The following RBMS3 variants were observed in gnomAD, a reference collection of about 807,000 sequenced individuals.
RBMS3 encodes the protein RNA-binding motif, single-stranded-interacting protein 3.
Under a neutral mutation model 66.8 loss-of-function variants are expected in RBMS3, and 27 were observed. The observed-to-expected ratio is 0.40, with a 90% CI of 0.30 to 0.56. The LOEUF is 0.56. RBMS3 is among the 20% of genes least tolerant of loss of function. The pLI, the probability that RBMS3 is intolerant of heterozygous loss-of-function variation, is 0.40. For synonymous variants in RBMS3, 188 were observed against 183.0 expected (o/e 1.03, Z -0.22); for missense variants, 513 against 549.5 (o/e 0.93, Z 0.66).
intron 1 of RBMS3, among the ~76,000 whole-genome samples, chr3:29,430,066 G>C (rs2041120231): frequency 6.6e-6 from 1 of 151,952 alleles, no homozygotes; most frequent in South Asian, 2.1e-4. Context: ...GCATTTGTCA[G>C]GCATTCCGGG....
chr3:29,905,771 G>A (rs1483197846), intron 10 of RBMS3, among the ~76,000 whole-genome samples: 3 of 151,990 alleles, frequency 2.0e-5, no homozygotes, highest in Admixed American at 1.3e-4. Flanking sequence ...AAATAAATAA[G>A]TCTTATAATA....
chr3:29,519,668 C>T (rs2044777866), intron 3 of RBMS3, among the ~76,000 whole-genome samples: 1 of 152,060 alleles, frequency 6.6e-6, no homozygotes, highest in African/African-American at 2.4e-5. Flanking sequence ...TTTCACACTT[C>T]CTGTCAACTA....
intron 8 of RBMS3, among the ~76,000 whole-genome samples, chr3:29,885,787 T>C (rs2059855754): frequency 6.6e-6 from 1 of 151,848 alleles, no homozygotes; most frequent in Non-Finnish European, 1.5e-5. Context: ...ATCTAGAGTA[T>C]GTATTATGTA....
At chr3:29,983,508 G>T (rs1026907570) in intron 12 of RBMS3, among the ~76,000 whole-genome samples, 6 of 151,954 alleles carry the variant, frequency 3.9e-5, no homozygotes, top group African/African-American at 1.4e-4. Flanking sequence ...TTTTCATAGT[G>T]TCCATGGTCT....
At chr3:29,459,080 G>T (rs932413625) in intron 2 of RBMS3, among the ~76,000 whole-genome samples, 3 of 152,128 alleles carry the variant, frequency 2.0e-5, no homozygotes, top group African/African-American at 7.2e-5. Flanking sequence ...AGAAGCTGCT[G>T]GGATGAGTGT....
intron 3 of RBMS3, among the ~76,000 whole-genome samples, chr3:29,518,812 C>G (rs1408642687): frequency 6.6e-6 from 1 of 152,084 alleles, no homozygotes; most frequent in East Asian, 1.9e-4. Flanking sequence ...GCAAAGTATC[C>G]ACTTCCCTTA....
At chr3:29,553,764 A>G (rs192218355) in intron 3 of RBMS3, among the ~76,000 whole-genome samples, 16 of 152,054 alleles carry the variant, frequency 1.1e-4, no homozygotes, top group Admixed American at 1.0e-3. Context: ...ATTGAGAAAA[A>G]CATAAAACAA....
At chr3:29,488,527 A>G (rs775990578) in intron 3 of RBMS3, 28 bp downstream of exon 3, 2 of 1,583,002 alleles carry the variant, frequency 1.3e-6, no homozygotes, top group Non-Finnish European at 1.7e-6. Context: ...CGTACCCTGA[A>G]ATCTTGCCTA....
At chr3:29,978,009 C>T (rs1034346854) in intron 12 of RBMS3, among the ~76,000 whole-genome samples, 13 of 151,978 alleles carry the variant, frequency 8.6e-5, no homozygotes, top group African/African-American at 2.9e-4. Context: ...TATCACAGGT[C>T]GTTCTCTTAG....
At position 29,886,301 on chromosome 3, in the gene RBMS3, T is replaced by G. The variant is rs1206048232; in HGVS notation, c.791+2093T>G. On this transcript the variant is annotated intron_variant, in intron 8 of 14. Coordinates refer to ENST00000383767, the MANE Select transcript of RBMS3 (RefSeq NM_001003793.3). Reference sequence around the variant, plus strand: ...TTATATGGATTATTTCATTTATTTATTATATTCTTTTGGGTGAGTGTTAAT... The same window carrying G: ...TTATATGGATTATTTCATTTATTTAGTATATTCTTTTGGGTGAGTGTTAAT... Among the ~76,000 whole-genome samples, 9 of 151,914 alleles carry G rather than the reference T, an allele frequency of 5.9e-5. No individual in the cohort carries two copies. In the South Asian group the frequency reaches 1.9e-3, roughly 31 times the overall value.
At chr3:29,594,341 G>T (rs2047869715) in intron 4 of RBMS3, among the ~76,000 whole-genome samples, 1 of 152,084 alleles carries the variant, frequency 6.6e-6, no homozygotes, top group Non-Finnish European at 1.5e-5. Context: ...TTCAAATCGT[G>T]TTGTTCTATT....
intron 1 of RBMS3, among the ~76,000 whole-genome samples, chr3:29,301,987 A>G (rs1008022033): frequency 3.9e-5 from 6 of 152,046 alleles, no homozygotes; most frequent in East Asian, 1.9e-4. Context: ...ATCCATCTCT[A>G]TCACCAAGTA....
Position 29,518,507 on chromosome 3 carries a change from A to G in RBMS3, c.307+30008A>G, listed in dbSNP as rs193096489. 1.4e-3 allele frequency among the ~76,000 whole-genome samples: 216 copies of G among 152,346 alleles called. 1 individual carries two copies. Among genetic ancestry groups the G allele is most frequent in the South Asian group, 1.2e-3 (6 of 4,830 alleles). On this transcript the variant is annotated intron_variant, in intron 3 of 14. Coordinates refer to ENST00000383767, the MANE Select transcript of RBMS3 (RefSeq NM_001003793.3). ...ATGGCTATCTCCTGATCTATTGTAT[A>G]GTAAAAGAAGGTCATTATTAAAGGT...
intron 1 of RBMS3, among the ~76,000 whole-genome samples, chr3:29,434,408 GTTTTA>G (rs1225735502): frequency 6.6e-6 from 1 of 152,114 alleles, no homozygotes; most frequent in Non-Finnish European, 1.5e-5. Flanking sequence ...AAAAGTGACT[GTTTTA>G]TTTTATTAGG....
chr3:29,571,589 C>G (rs186132170), intron 3 of RBMS3, among the ~76,000 whole-genome samples: 27 of 152,020 alleles, frequency 1.8e-4, no homozygotes, highest in Admixed American at 6.5e-4. Flanking sequence ...ACTGTAGGTA[C>G]GTAGATTTGC....
In RBMS3 at chr3:29,291,492, T is replaced by A. The variant is rs148092082; in HGVS notation, c.75+9736T>A. Among the ~76,000 whole-genome samples the A allele has an allele frequency of 6.2e-4, 94 of 151,924 alleles. No individual in the cohort carries two copies. The East Asian group carries it at 0.018, about 28-fold the overall frequency. ...GATCTGGGTGCCAGGTTCACAGAAT[T>A]TTTTATTGCGTAATTGGTGAAATTG... On this transcript the variant is annotated intron_variant, in intron 1 of 14. Transcript: ENST00000383767.
intron 4 of RBMS3, among the ~76,000 whole-genome samples, chr3:29,634,155 A>G (rs2049384394): frequency 6.6e-6 from 1 of 151,928 alleles, no homozygotes; most frequent in Non-Finnish European, 1.5e-5. Context: ...AGGGAGAAAG[A>G]TACATTCATT....
intron 12 of RBMS3, among the ~76,000 whole-genome samples, chr3:29,982,515 C>G (rs942935535): frequency 6.6e-6 from 1 of 151,994 alleles, no homozygotes; most frequent in South Asian, 2.1e-4. Context: ...GTTAGGGTGT[C>G]GATTTTAGAT....
chr3:29,794,458 C>T (rs368503803), intron 6 of RBMS3, among the ~76,000 whole-genome samples: 7 of 152,134 alleles, frequency 4.6e-5, no homozygotes, highest in African/African-American at 1.2e-4. Flanking sequence ...TGGTGGCGGG[C>T]GCCTGTAGTC....
Sources: gnomAD v4.1 joint callset for allele counts (sites outside exome capture counted in the v4.1 genomes callset) on GRCh38, gnomAD v4.1.1 for gene constraint, MANE v1.5 for transcripts, NCBI Gene and HGNC (gene_info 2026-07-23, HGNC 2026-07-21) for gene names.